Variants in ARHGAP20 observed in about 807,000 individuals in gnomAD.
The protein encoded by ARHGAP20 is Rho GTPase activating protein 20, also known as rho GTPase-activating protein 20.
In ARHGAP20, 34 loss-of-function variants were observed where a neutral mutation model predicts 73.7. The observed-to-expected ratio is 0.46, with a 90% CI of 0.35 to 0.61. The LOEUF (loss-of-function observed/expected upper bound fraction) is 0.61, where lower values mean the gene tolerates loss of function less well. Among genes scored for constraint, ARHGAP20 ranks in the 20% least tolerant of loss-of-function variants. ARHGAP20 has a pLI of 0.00. For missense variants in ARHGAP20, 1,314 were observed against 1,420.9 expected (o/e 0.92, Z 1.21); for synonymous variants, 523 against 518.2 (o/e 1.01, Z -0.13).
intron 2 of ARHGAP20, among the ~76,000 whole-genome samples, chr11:110,682,288 A>G (rs376582528): frequency 1.3e-5 from 2 of 152,318 alleles, no homozygotes; most frequent in Admixed American, 1.3e-4. Flanking sequence ...ATACATATGT[A>G]GCACTGATTA....
chr11:110,612,544 T>TA (rs1002645260), intron 6 of ARHGAP20, among the ~76,000 whole-genome samples: 6 of 151,984 alleles, frequency 3.9e-5, no homozygotes, highest in South Asian at 4.2e-4. Context: ...TGCTACATTG[T>TA]AAAAAAAACT....
intron 5 of ARHGAP20, 63 bp from the exon 6 acceptor site, chr11:110,614,708 T>A: frequency 9.2e-7 from 1 of 1,087,298 alleles, no homozygotes; most frequent in Admixed American, 2.5e-5. Context: ...TAATGGCTTA[T>A]TTTAAAAATC....
chr11:110,619,707 C>T lies in ARHGAP20; in HGVS notation c.504-4113G>A, dbSNP rs2055775. Among the ~76,000 whole-genome samples, 323 of 108,388 alleles carry T rather than the reference C, an allele frequency of 3.0e-3. 7 individuals carry two copies. The highest frequency in any genetic ancestry group is 9.2e-3 in the African/African-American group (285 of 30,968). 71.1% of individuals were successfully genotyped at this position (108,388 alleles called of 152,430 possible). ...AGTATATGTAGTGATAGAGTATATA[C>T]AGTGATAGAGTATATGTAGTGATAG... On this transcript the variant is annotated intron_variant, in intron 4 of 14. Coordinates refer to ENST00000683387, the MANE Select transcript of ARHGAP20 (RefSeq NM_001384657.1).
At chr11:110,685,138 T>A (rs1319731718) in intron 2 of ARHGAP20, among the ~76,000 whole-genome samples, 6 of 152,232 alleles carry the variant, frequency 3.9e-5, no homozygotes, top group Admixed American at 2.6e-4. Flanking sequence ...AAATACACAG[T>A]CTTCTGGGAA....
rs771242218 is a variant in ARHGAP20, at chr11:110,580,604, C to G, written c.2342G>C (p.Ser781Thr). Residue 781 changes from serine to threonine, a missense_variant, in exon 15 of 15, where the codon AGC becomes ACC. Ser to Thr is a moderately conservative substitution (Grantham distance 58). This residue lies in a region of ARHGAP20 where 641 missense variants were observed against 636.9 expected (regional missense o/e 1.01). Coordinates refer to ENST00000683387, the MANE Select transcript of ARHGAP20 (RefSeq NM_001384657.1). ...NATTQNTKKK[S>T]LSGSEGNHVK... ...GTGATTTCCTTCACTACCAGACAAG[C>G]TTTTCTTCTTAGTGTTTTGAGTAGT... The G allele has an allele frequency of 1.2e-6, 2 of 1,614,210 alleles. No homozygotes were observed. Among genetic ancestry groups the G allele is most frequent in the South Asian group, 2.2e-5 (2 of 91,084 alleles).
chr11:110,654,955 A>G (rs921512371), intron 2 of ARHGAP20, among the ~76,000 whole-genome samples: 1 of 152,200 alleles, frequency 6.6e-6, no homozygotes, highest in African/African-American at 2.4e-5. Flanking sequence ...TAGGAGTTTC[A>G]TTCTCATTCT....
chr11:110,593,794 T>A (rs1272942689), intron 9 of ARHGAP20, among the ~76,000 whole-genome samples: 2 of 152,238 alleles, frequency 1.3e-5, no homozygotes, highest in African/African-American at 4.8e-5. Context: ...CAGGGGCAGA[T>A]TCAAAAGAGC....
chr11:110,651,207 T>G (rs556511885), intron 2 of ARHGAP20, among the ~76,000 whole-genome samples: 1 of 152,244 alleles, frequency 6.6e-6, no homozygotes, highest in African/African-American at 2.4e-5. Flanking sequence ...AGAGACAATG[T>G]ATCAGAATTT....
chr11:110,687,181 G>C (rs925643433), intron 2 of ARHGAP20, among the ~76,000 whole-genome samples: 55 of 148,926 alleles, frequency 3.7e-4, no homozygotes, highest in Non-Finnish European at 6.0e-4. Context: ...GGGCTTAAGT[G>C]ATCCTCCCAC....
intron 2 of ARHGAP20, among the ~76,000 whole-genome samples, chr11:110,659,895 G>C (rs1353915672): frequency 6.6e-6 from 1 of 151,384 alleles, no homozygotes; most frequent in African/African-American, 2.4e-5. Flanking sequence ...CACACTCTGA[G>C]GACTGTTGTG....
intron 9 of ARHGAP20, among the ~76,000 whole-genome samples, chr11:110,600,678 C>T (rs939307313): frequency 1.3e-5 from 2 of 152,220 alleles, no homozygotes; most frequent in African/African-American, 4.8e-5. Context: ...GTGACAACCC[C>T]AAGGTGTTGT....
chr11:110,607,149 G>C (rs1016716774), intron 8 of ARHGAP20, among the ~76,000 whole-genome samples: 3 of 152,026 alleles, frequency 2.0e-5, no homozygotes, highest in Non-Finnish European at 4.4e-5. Context: ...TCAAATCTAT[G>C]ATTTAAAATA....
chr11:110,659,804 A>T (rs1169686337), intron 2 of ARHGAP20, among the ~76,000 whole-genome samples: 2 of 152,096 alleles, frequency 1.3e-5, no homozygotes, highest in East Asian at 3.9e-4. Context: ...TATCGCAAGA[A>T]CAAAAAACCA....
In ARHGAP20 at chr11:110,577,955, G is replaced by A; in HGVS notation, c.*1415C>T. The A allele has an allele frequency of 1.0e-6, 1 of 985,602 alleles. No homozygotes were observed. Among genetic ancestry groups the A allele is most frequent in the Non-Finnish European group, 1.2e-6 (1 of 829,868 alleles). The allele number at this position is 985,602 out of a possible 1,614,324, so 61.1% of individuals were successfully genotyped here. Reference sequence around the variant, plus strand: ...ATTTGGAATAAGCTAGCTTGTGAGAGAAAGGTCCATCTGATGGTGAACTAA... The same window carrying A: ...ATTTGGAATAAGCTAGCTTGTGAGAAAAAGGTCCATCTGATGGTGAACTAA... On this transcript the variant is annotated 3_prime_UTR_variant, in exon 15 of 15. Transcript: ENST00000683387.
intron 12 of ARHGAP20, among the ~76,000 whole-genome samples, chr11:110,585,288 C>A (rs1272553139): frequency 6.6e-6 from 1 of 151,016 alleles, no homozygotes; most frequent in Non-Finnish European, 1.5e-5. Context: ...TACCTTTTTC[C>A]AAAAAAATCC....
At chr11:110,615,730 T>C in intron 4 of ARHGAP20, 136 bp from the exon 5 acceptor site, 2 of 713,534 alleles carry the variant, frequency 2.8e-6, no homozygotes, top group Non-Finnish European at 4.7e-6. Context: ...AGCTGCAACC[T>C]TGGCATAATT....
At chr11:110,662,311 T>C (rs1949632456) in intron 2 of ARHGAP20, among the ~76,000 whole-genome samples, 1 of 151,876 alleles carries the variant, frequency 6.6e-6, no homozygotes, top group African/African-American at 2.4e-5. Flanking sequence ...TACATAATTA[T>C]AAAATCAAAT....
Position 110,580,730 on chromosome 11 carries a change from T to C in ARHGAP20, c.2216A>G (p.Asp739Gly). Residue 739 changes from aspartate (D) to glycine (G), a missense_variant, in exon 15 of 15, where the codon GAT becomes GGT. By Grantham distance (94) the Asp-to-Gly change is moderately conservative (BLOSUM62 -1). Around this residue, in one of 3 missense-constraint regions of ARHGAP20, gnomAD observed 641 missense variants for 636.9 expected, o/e 1.01. Transcript: ENST00000683387. ...SSCDAILSQKDEDYLKQNQPL... is the reference protein window; with the variant it reads ...SSCDAILSQKGEDYLKQNQPL... ...TTGATTCTGCTTCAGATAGTCTTCA[T>C]CTTTTTGAGAAAGAATTGCATCACA... The C allele has an allele frequency of 6.2e-7, 1 of 1,614,194 alleles. No individual in the cohort carries two copies. The highest frequency in any genetic ancestry group is 8.5e-7 in the Non-Finnish European group (1 of 1,180,014).
At chr11:110,601,327 TAA>T (rs1233095713) in intron 9 of ARHGAP20, among the ~76,000 whole-genome samples, 2 of 152,204 alleles carry the variant, frequency 1.3e-5, no homozygotes, top group Non-Finnish European at 2.9e-5. Flanking sequence ...TTTTCCCCAT[TAA>T]AAGTCAGGTT....
Sources: allele counts gnomAD v4.1 joint callset (sites outside exome capture counted in the v4.1 genomes callset), GRCh38; gene constraint gnomAD v4.1.1; regional missense constraint gnomAD v4.1.1; transcripts MANE v1.5; gene names NCBI Gene and HGNC (gene_info 2026-07-23, HGNC 2026-07-21).